The following JMJD1C variants were observed in gnomAD, a reference collection of about 807,000 sequenced individuals.
JMJD1C encodes the protein jumonji domain-containing protein 1C.
JMJD1C carries 31 observed loss-of-function variants against 245.3 expected under a neutral mutation model. The observed-to-expected ratio is 0.13, with a 90% CI of 0.09 to 0.17. The LOEUF (loss-of-function observed/expected upper bound fraction) is 0.17. JMJD1C is among the 10% of genes least tolerant of loss of function. JMJD1C has a pLI of 1.00. For missense variants in JMJD1C, 2,691 were observed against 3,000.2 expected, an observed-to-expected ratio of 0.90 and a Z score of 2.41; for synonymous variants, 1,057 against 1,017.4, an observed-to-expected ratio of 1.04 and a Z score of -0.74.
At chr10:63,259,041 G>T (rs1399721844) in intron 3 of JMJD1C, among the ~76,000 whole-genome samples, 3 of 152,130 alleles carry the variant, frequency 2.0e-5, no homozygotes, top group Admixed American at 1.3e-4. Flanking sequence ...AATCTAAAGT[G>T]ATCTGTCTGT....
At position 63,237,354 on chromosome 10, in the gene JMJD1C, T is replaced by A. The variant is rs555286647; in HGVS notation, c.448-17371A>T. On this transcript the variant is annotated intron_variant, in intron 3 of 25. Transcript: ENST00000399262. ...TGCCTCGCCAAACACTCACTAAAAA[T>A]TTTTTTTTAATATACAGTGCAATGA... Among the ~76,000 whole-genome samples the A allele has an allele frequency of 8.2e-4, 95 of 116,054 alleles. No homozygotes were observed. The East Asian group carries it at 0.014, about 18-fold the overall frequency. The allele number at this position is 116,054 out of a possible 152,430, so 76.1% of individuals were successfully genotyped here.
intron 22 of JMJD1C, among the ~76,000 whole-genome samples, chr10:63,178,957 C>T (rs945684858): frequency 2.0e-5 from 3 of 152,044 alleles, no homozygotes; most frequent in Non-Finnish European, 4.4e-5. Flanking sequence ...TATTGCCTAG[C>T]GGTGATGTCT....
intron 1 of JMJD1C, among the ~76,000 whole-genome samples, chr10:63,483,823 T>C (rs548042450): frequency 6.6e-6 from 1 of 152,342 alleles, no homozygotes; most frequent in South Asian, 2.1e-4. Context: ...CATTTTTAAT[T>C]TGTCCTTTCT....
chr10:63,409,550 CAG>C (rs1049586232), intron 1 of JMJD1C, among the ~76,000 whole-genome samples: 1 of 152,030 alleles, frequency 6.6e-6, no homozygotes, highest in Non-Finnish European at 1.5e-5. Context: ...GAAGGAAAAA[CAG>C]AGTAAAGGAA....
chr10:63,297,298 T>C (rs1047811592), intron 2 of JMJD1C, among the ~76,000 whole-genome samples: 4 of 152,156 alleles, frequency 2.6e-5, no homozygotes, highest in African/African-American at 4.8e-5. Flanking sequence ...GGCCCACCCA[T>C]GGACCAGTCA....
chr10:63,206,214 A>G (rs1352488197), intron 10 of JMJD1C, among the ~76,000 whole-genome samples: 1 of 152,206 alleles, frequency 6.6e-6, no homozygotes. Flanking sequence ...TGTTAGAGGT[A>G]AATATCTTAG....
intron 1 of JMJD1C, among the ~76,000 whole-genome samples, chr10:63,517,780 T>C (rs1402449361): frequency 6.9e-6 from 1 of 144,620 alleles, no homozygotes; most frequent in African/African-American, 2.6e-5. Context: ...ACTTATCTAA[T>C]GGCCACTTTT....
chr10:63,184,459 G>GT, intron 21 of JMJD1C, 149 bp downstream of exon 21: 4 of 621,460 alleles, frequency 6.4e-6, no homozygotes, highest in Non-Finnish European at 1.1e-5. Context: ...GACCAGGATG[G>GT]TCTCAATCTC....
chr10:63,326,937 A>T (rs1006795116), intron 2 of JMJD1C, among the ~76,000 whole-genome samples: 12 of 152,210 alleles, frequency 7.9e-5, no homozygotes, highest in African/African-American at 2.9e-4. Context: ...CTGTAATCCC[A>T]GCAGTTTGGG....
At chr10:63,270,176 A>C (rs1037295021) in intron 2 of JMJD1C, among the ~76,000 whole-genome samples, 1 of 151,972 alleles carries the variant, frequency 6.6e-6, no homozygotes, top group African/African-American at 2.4e-5. Context: ...TTCTCTCTCT[A>C]TTTTTTGGAG....
chr10:63,291,976 G>A (rs983734218), intron 2 of JMJD1C, among the ~76,000 whole-genome samples: 6 of 151,574 alleles, frequency 4.0e-5, no homozygotes, highest in Non-Finnish European at 5.9e-5. Context: ...TTTGAGACAG[G>A]GTCCCACTCT....
chr10:63,226,355 G>A (rs1307285075), intron 3 of JMJD1C, among the ~76,000 whole-genome samples: 1 of 152,072 alleles, frequency 6.6e-6, no homozygotes, highest in Non-Finnish European at 1.5e-5. Context: ...TTTTTTCTAG[G>A]TTAACACTGT....
intron 24 of JMJD1C, among the ~76,000 whole-genome samples, chr10:63,173,873 TAGAC>T (rs946509295): frequency 3.4e-4 from 52 of 152,140 alleles, no homozygotes; most frequent in African/African-American, 1.0e-3. Context: ...AGCAGCTAAA[TAGAC>T]AGAATATTTG....
At chr10:63,324,179 A>T (rs1432303730) in intron 2 of JMJD1C, among the ~76,000 whole-genome samples, 1 of 151,986 alleles carries the variant, frequency 6.6e-6, no homozygotes, top group African/African-American at 2.4e-5. Context: ...ACAGTCAGAA[A>T]TAATATCTTA....
At chr10:63,231,166 AGCAAG>A (rs1365067240) in intron 3 of JMJD1C, among the ~76,000 whole-genome samples, 6 of 152,360 alleles carry the variant, frequency 3.9e-5, no homozygotes, top group Non-Finnish European at 8.8e-5. Flanking sequence ...AAACTATGCA[AGCAAG>A]ATCTTAATGC....
chr10:63,341,049 T>C (rs554874361), intron 2 of JMJD1C, among the ~76,000 whole-genome samples: 1 of 152,370 alleles, frequency 6.6e-6, no homozygotes, highest in South Asian at 2.1e-4. Context: ...AGATTTCAAC[T>C]GTGTATTAAA....
At chr10:63,203,144 T>C (rs1846212112) in intron 10 of JMJD1C, 2 of 984,960 alleles carry the variant, frequency 2.0e-6, no homozygotes, top group East Asian at 2.3e-4. Context: ...GTAGAGCTTT[T>C]GATATTATAA....
At chr10:63,211,009 A>G (rs752496145) in intron 8 of JMJD1C, among the ~76,000 whole-genome samples, 65 of 152,330 alleles carry the variant, frequency 4.3e-4, no homozygotes, top group South Asian at 1.0e-3. Flanking sequence ...AACTGTGGGC[A>G]TCACTGGTGA....
intron 2 of JMJD1C, among the ~76,000 whole-genome samples, chr10:63,311,348 C>T (rs755491988): frequency 7.2e-5 from 11 of 152,032 alleles, no homozygotes; most frequent in Non-Finnish European, 1.6e-4. Flanking sequence ...CATTGCACTC[C>T]ATCCTGGGCA....
Sources: gnomAD v4.1 joint callset for allele counts (sites outside exome capture counted in the v4.1 genomes callset) on GRCh38, gnomAD v4.1.1 for gene constraint, MANE v1.5 for transcripts, NCBI Gene and HGNC (gene_info 2026-07-23, HGNC 2026-07-21) for gene names.